The following ZFHX3 variants were observed in gnomAD, a reference collection of about 807,000 sequenced individuals.
ZFHX3 encodes the protein zinc finger homeobox 3.
ZFHX3 carries 42 observed loss-of-function variants against 279.1 expected under a neutral mutation model. The ratio of observed to expected loss-of-function variants is 0.15; its 90% CI spans 0.12 to 0.19. ZFHX3 has a LOEUF of 0.19. ZFHX3 is among the 10% of genes least tolerant of loss of function. ZFHX3 has a pLI of 1.00. For synonymous variants in ZFHX3, 2,293 were observed against 1,957.8 expected, an observed-to-expected ratio of 1.17 and a Z score of -4.52; for missense variants, 4,981 against 4,754.0, an observed-to-expected ratio of 1.05 and a Z score of -1.40.
At chr16:73,451,347 T>C (rs898517890) in intron 3 of ZFHX3, among the ~76,000 whole-genome samples, 2 of 152,208 alleles carry the variant, frequency 1.3e-5, no homozygotes, top group African/African-American at 2.4e-5. Flanking sequence ...TGCAATTCCT[T>C]TAGACTACTT....
intron 4 of ZFHX3, among the ~76,000 whole-genome samples, chr16:72,874,161 C>T (rs1488504289): frequency 6.8e-6 from 1 of 146,408 alleles, no homozygotes; most frequent in African/African-American, 2.6e-5. Flanking sequence ...ACCAGCCTCA[C>T]TTTCTTGTGC....
intron 9 of ZFHX3, among the ~76,000 whole-genome samples, chr16:72,792,068 C>G (rs974613726): frequency 6.6e-6 from 1 of 152,126 alleles, no homozygotes; most frequent in Non-Finnish European, 1.5e-5. Context: ...AGACTTATGT[C>G]TAAGCCTAAC....
At chr16:73,610,315 G>C (rs576351878) in intron 2 of ZFHX3, among the ~76,000 whole-genome samples, 2 of 152,238 alleles carry the variant, frequency 1.3e-5, no homozygotes, top group African/African-American at 4.8e-5. Context: ...AAAAGGAGAT[G>C]GTTTCACACC....
chr16:73,530,400 C>T (rs1356442197), intron 2 of ZFHX3, among the ~76,000 whole-genome samples: 2 of 152,182 alleles, frequency 1.3e-5, no homozygotes, highest in African/African-American at 4.8e-5. Context: ...TAATTACCTC[C>T]TCTAAGCAGC....
intron 1 of ZFHX3, among the ~76,000 whole-genome samples, chr16:73,751,489 G>T (rs1383559607): frequency 1.3e-5 from 2 of 151,344 alleles, no homozygotes; most frequent in Non-Finnish European, 2.9e-5. Context: ...ACAAACGAAT[G>T]TCTAATCATG....
intron 4 of ZFHX3, among the ~76,000 whole-genome samples, chr16:73,274,625 T>A (rs2014243151): frequency 6.6e-6 from 1 of 152,378 alleles, no homozygotes; most frequent in East Asian, 1.9e-4. Context: ...ACCCTATTTT[T>A]ATGTTTAAGT....
intron 2 of ZFHX3, among the ~76,000 whole-genome samples, chr16:73,476,074 G>A (rs892277471): frequency 5.9e-5 from 9 of 152,008 alleles, no homozygotes; most frequent in Non-Finnish European, 1.2e-4. Flanking sequence ...TAATTTGTTC[G>A]GTTCTTTTCT....
At chr16:73,866,743 G>C (rs965060717) in intron 1 of ZFHX3, among the ~76,000 whole-genome samples, 2 of 152,188 alleles carry the variant, frequency 1.3e-5, no homozygotes, top group Non-Finnish European at 2.9e-5. Flanking sequence ...CAGGTGCAGG[G>C]AGTTTATTTG....
At chr16:73,056,819 T>G (rs1442321007) in intron 1 of ZFHX3, among the ~76,000 whole-genome samples, 4 of 152,204 alleles carry the variant, frequency 2.6e-5, no homozygotes, top group Admixed American at 6.5e-5. Context: ...TGCCCAAGCC[T>G]CTTTCGGAGG....
At chr16:73,585,310 G>T (rs999958160) in intron 2 of ZFHX3, among the ~76,000 whole-genome samples, 2 of 152,182 alleles carry the variant, frequency 1.3e-5, no homozygotes, top group African/African-American at 4.8e-5. Context: ...CAGCTACTGG[G>T]GAGGCTGAGG....
chr16:72,899,571 C>T lies in ZFHX3; in HGVS notation c.3217-9609G>A, dbSNP rs531884037. On this transcript the variant is annotated intron_variant, in intron 3 of 9. Coordinates refer to ENST00000268489, the MANE Select transcript of ZFHX3 (RefSeq NM_006885.4). ...CACCGCCATATACACATTACTCTAGCTTGTGCTCATCCAACTCCACGTCAA... is the reference window on the plus strand; with the variant it reads ...CACCGCCATATACACATTACTCTAGTTTGTGCTCATCCAACTCCACGTCAA... Among the ~76,000 whole-genome samples the T allele has an allele frequency of 2.6e-5, 4 of 152,182 alleles. No individual in the cohort carries two copies. In the South Asian group the frequency reaches 8.3e-4, roughly 32 times the overall value.
intron 3 of ZFHX3, among the ~76,000 whole-genome samples, chr16:73,327,434 C>T (rs2015713005): frequency 6.6e-6 from 1 of 152,188 alleles, no homozygotes; most frequent in Admixed American, 6.5e-5. Context: ...TCCCCAACTT[C>T]CCTAGAAGCA....
chr16:73,294,037 C>T (rs998787314), intron 4 of ZFHX3: 2 of 139,170 alleles, frequency 1.4e-5, no homozygotes, highest in Non-Finnish European at 3.0e-5. Flanking sequence ...TATTGAAACT[C>T]TGAAATATCT....
intron 3 of ZFHX3, among the ~76,000 whole-genome samples, chr16:73,396,081 T>C (rs1474347157): frequency 1.3e-5 from 2 of 152,212 alleles, no homozygotes; most frequent in Non-Finnish European, 2.9e-5. Context: ...AGCAATTCTG[T>C]TGAAGTTATG....
intron 1 of ZFHX3, among the ~76,000 whole-genome samples, chr16:73,704,978 A>C (rs973404678): frequency 6.6e-6 from 1 of 152,162 alleles, no homozygotes; most frequent in African/African-American, 2.4e-5. Flanking sequence ...CATGGTGTAA[A>C]TACTCCCACC....
At chr16:73,148,603 T>G (rs2144843165) in intron 5 of ZFHX3, among the ~76,000 whole-genome samples, 1 of 133,586 alleles carries the variant, frequency 7.5e-6, no homozygotes, top group South Asian at 2.5e-4. Flanking sequence ...CTGTGTGATG[T>G]TGGGAGGGTT....
intron 1 of ZFHX3, among the ~76,000 whole-genome samples, chr16:72,985,206 G>T (rs1285864636): frequency 6.6e-6 from 1 of 151,944 alleles, no homozygotes; most frequent in African/African-American, 2.4e-5. Flanking sequence ...AGGAGAAAAG[G>T]GGAACGTAAA....
intron 1 of ZFHX3, among the ~76,000 whole-genome samples, chr16:73,788,182 C>T (rs1023000475): frequency 1.3e-5 from 2 of 152,174 alleles, no homozygotes; most frequent in Admixed American, 6.5e-5. Context: ...ACAACCAATT[C>T]TGAGCCAGGT....
At chr16:73,227,881 A>G (rs1284182985) in intron 5 of ZFHX3, among the ~76,000 whole-genome samples, 1 of 149,704 alleles carries the variant, frequency 6.7e-6, no homozygotes, top group Non-Finnish European at 1.5e-5. Flanking sequence ...AAAGACATCG[A>G]AGCTGAAACA....
Sources: gnomAD v4.1 joint callset for allele counts (sites outside exome capture counted in the v4.1 genomes callset) on GRCh38, gnomAD v4.1.1 for gene constraint, MANE v1.5 for transcripts, NCBI Gene and HGNC (gene_info 2026-07-23, HGNC 2026-07-21) for gene names.